MAP4K4: variants seen among roughly 807,000 people sequenced by gnomAD.
MAP4K4 encodes the protein HPK/GCK-like kinase HGK.
Under a neutral mutation model 189.6 loss-of-function variants are expected in MAP4K4, and 38 were observed. The observed-to-expected ratio is 0.20, with a 90% CI of 0.15 to 0.26. The LOEUF (loss-of-function observed/expected upper bound fraction) is 0.26, where lower values mean the gene tolerates loss of function less well. Among genes scored for constraint, MAP4K4 ranks in the 10% least tolerant of loss-of-function variants. The pLI, the probability that MAP4K4 is intolerant of heterozygous loss-of-function variation, is 1.00. For synonymous variants in MAP4K4, 610 were observed against 624.3 expected (o/e 0.98, Z 0.34); for missense variants, 1,054 against 1,726.9 (o/e 0.61, Z 6.91).
chr2:101,823,038 A>G (rs556594925), intron 3 of MAP4K4, among the ~76,000 whole-genome samples: 4 of 152,272 alleles, frequency 2.6e-5, no homozygotes, highest in South Asian at 4.1e-4. Flanking sequence ...TGCAGGTAGT[A>G]TGTCATGTAT....
intron 9 of MAP4K4, among the ~76,000 whole-genome samples, chr2:101,838,108 A>G (rs1326142048): frequency 6.6e-6 from 1 of 152,198 alleles, no homozygotes; most frequent in African/African-American, 2.4e-5. Context: ...CTGCCAGCAG[A>G]ACTTGATTCT....
intron 2 of MAP4K4, among the ~76,000 whole-genome samples, 191 bp downstream of exon 2, chr2:101,698,729 C>A (rs1325137303): frequency 6.6e-6 from 1 of 152,126 alleles, no homozygotes; most frequent in Non-Finnish European, 1.5e-5. Flanking sequence ...CCTTAAAAGA[C>A]CTCATTTCCT....
chr2:101,886,354 C>G (rs567719345), intron 29 of MAP4K4, among the ~76,000 whole-genome samples: 1 of 152,122 alleles, frequency 6.6e-6, no homozygotes, highest in Admixed American at 6.5e-5. Flanking sequence ...AGCCTTTTCA[C>G]CATTTTAGTC....
At chr2:101,857,323 T>C (rs546730931) in intron 13 of MAP4K4, among the ~76,000 whole-genome samples, 6 of 152,340 alleles carry the variant, frequency 3.9e-5, no homozygotes, top group African/African-American at 9.6e-5. Context: ...TTAACAGTGC[T>C]GTAGGACGCA....
chr2:101,787,804 C>CTTTTTT (rs750909990), intron 2 of MAP4K4, among the ~76,000 whole-genome samples: 3 of 128,848 alleles, frequency 2.3e-5, no homozygotes, highest in African/African-American at 5.9e-5. Flanking sequence ...TAGAAGTTTG[C>CTTTTTT]TTTTTTTTTT....
At chr2:101,856,085 G>C (rs1367170897) in exon 13 of MAP4K4, 4 of 1,551,610 alleles carry the variant, frequency 2.6e-6, no homozygotes, top group Non-Finnish European at 1.7e-6. Flanking sequence ...GCGCAAAGAA[G>C]AAGAGGAGAG....
At chr2:101,804,598 G>T (rs1456756886) in intron 3 of MAP4K4, among the ~76,000 whole-genome samples, 1 of 152,036 alleles carries the variant, frequency 6.6e-6, no homozygotes, top group Non-Finnish European at 1.5e-5. Flanking sequence ...CTTTACCCGT[G>T]TTTCTTTTAT....
At chr2:101,797,889 G>GTTTTTTTTGTTTTTTTT (rs2093919752) in intron 3 of MAP4K4, among the ~76,000 whole-genome samples, 1 of 52,304 alleles carries the variant, frequency 1.9e-5, no homozygotes, top group Non-Finnish European at 3.3e-5. Context: ...CATTCTTTTA[G>GTTTTTTTTGTTTTTTTT]TTTTTTTTTT....
intron 2 of MAP4K4, among the ~76,000 whole-genome samples, chr2:101,726,001 A>G (rs1012332770): frequency 6.6e-6 from 1 of 150,852 alleles, no homozygotes; most frequent in Non-Finnish European, 1.5e-5. Context: ...CTGCATATCT[A>G]GTGCCCCCTG....
chr2:101,798,373 TATAAAA>T (rs1277225704), intron 3 of MAP4K4, among the ~76,000 whole-genome samples: 1 of 152,182 alleles, frequency 6.6e-6, no homozygotes, highest in East Asian at 1.9e-4. Context: ...TGTAGAGTAA[TATAAAA>T]ATACAAAATA....
At chr2:101,769,794 C>G (rs939520450) in intron 2 of MAP4K4, among the ~76,000 whole-genome samples, 1 of 152,054 alleles carries the variant, frequency 6.6e-6, no homozygotes, top group South Asian at 2.1e-4. Context: ...GTTGGCCAGG[C>G]TGGTCTCAAA....
intron 3 of MAP4K4, among the ~76,000 whole-genome samples, chr2:101,794,371 G>T (rs1490938994): frequency 1.3e-5 from 2 of 152,168 alleles, no homozygotes; most frequent in Non-Finnish European, 2.9e-5. Flanking sequence ...GCTCAACTTG[G>T]AGTTCATAAA....
chr2:101,751,086 C>T (rs1213013509), intron 2 of MAP4K4, among the ~76,000 whole-genome samples: 3 of 152,318 alleles, frequency 2.0e-5, no homozygotes, highest in East Asian at 1.9e-4. Context: ...GTGCCGCTTC[C>T]ATCCCTCTGT....
intron 27 of MAP4K4, among the ~76,000 whole-genome samples, chr2:101,878,243 T>C (rs879707015): frequency 6.6e-6 from 1 of 152,212 alleles, no homozygotes; most frequent in African/African-American, 2.4e-5. Flanking sequence ...AAAATCTGCA[T>C]AAAAATGGTT....
intron 10 of MAP4K4, 27 bp from the exon 11 acceptor site, chr2:101,842,582 C>A (rs775006052): frequency 1.9e-6 from 3 of 1,538,766 alleles, no homozygotes; most frequent in Non-Finnish European, 2.7e-6. Context: ...GTGAACTGTC[C>A]CATTTATCTT....
intron 12 of MAP4K4, among the ~76,000 whole-genome samples, chr2:101,851,267 G>GT (rs1038407259): frequency 6.6e-6 from 1 of 152,110 alleles, no homozygotes; most frequent in African/African-American, 2.4e-5. Context: ...TTTTCTGTCT[G>GT]TTTGATTTTA....
chr2:101,775,436 A>G (rs2083561090), intron 2 of MAP4K4, among the ~76,000 whole-genome samples: 1 of 151,902 alleles, frequency 6.6e-6, no homozygotes, highest in African/African-American at 2.4e-5. Context: ...TAAAGGAGAG[A>G]TCATCTGAGA....
chr2:101,885,379 A>G (rs1354174394), intron 29 of MAP4K4, 92 bp downstream of exon 29: 4 of 704,120 alleles, frequency 5.7e-6, no homozygotes, highest in Non-Finnish European at 9.5e-6. Flanking sequence ...GAATGTTAAA[A>G]TTGCTAATAT....
intron 2 of MAP4K4, among the ~76,000 whole-genome samples, chr2:101,744,894 T>A (rs535366259): frequency 2.6e-5 from 4 of 152,316 alleles, no homozygotes; most frequent in Non-Finnish European, 5.9e-5. Flanking sequence ...AGAGAGCAAC[T>A]CTTTAAGCAC....
Sources: gnomAD v4.1 joint callset for allele counts (sites outside exome capture counted in the v4.1 genomes callset) on GRCh38, gnomAD v4.1.1 for gene constraint, MANE v1.5 for transcripts, NCBI Gene and HGNC (gene_info 2026-07-23, HGNC 2026-07-21) for gene names.